BTN3A2: variants seen among roughly 807,000 people sequenced by gnomAD.
BTN3A2 encodes the protein butyrophilin protein.
In BTN3A2, 25 loss-of-function variants were observed where a neutral mutation model predicts 37.6. That is an observed-to-expected ratio of 0.66 (90% CI 0.48 to 0.93). BTN3A2 has a LOEUF of 0.93. Among genes scored for constraint, BTN3A2 ranks in the 40% least tolerant of loss-of-function variants. The probability of loss-of-function intolerance (pLI) is 0.00; values close to 1 mark genes in which losing one functional copy is unlikely to be tolerated. For synonymous variants in BTN3A2, 122 were observed against 159.4 expected (o/e 0.77, Z 1.77); for missense variants, 266 against 410.9 (o/e 0.65, Z 3.05).
At chr6:26,375,026 CA>C in intron 10 of BTN3A2, 2 of 426,298 alleles carry the variant, frequency 4.7e-6, no homozygotes, top group East Asian at 7.4e-5. Context: ...GATGCCTGCC[CA>C]AAGAACTTTG....
At chr6:26,371,740 G>A (rs1370671038) in intron 5 of BTN3A2, among the ~76,000 whole-genome samples, 2 of 151,796 alleles carry the variant, frequency 1.3e-5, no homozygotes, top group Non-Finnish European at 2.9e-5. Context: ...GTGCAGTGGT[G>A]CAATCTCAGC....
At chr6:26,375,557 G>A in intron 10 of BTN3A2, 1 of 1,366,472 alleles carries the variant, frequency 7.3e-7, no homozygotes. Flanking sequence ...AGAGGACAAG[G>A]GAGCCCAGTG....
At position 26,365,370 on chromosome 6, in the gene BTN3A2, A is replaced by T. The variant is rs1041454781; in HGVS notation, c.-67+18A>T. On this transcript the variant is annotated intron_variant, in intron 1 of 10. Transcript: ENST00000377708. Reference sequence around the variant, plus strand: ...ACCAAGGGGTAAGTGCAGGAAATTGATTAGAGCCTGGGCTACAACGCATGG... The same window carrying T: ...ACCAAGGGGTAAGTGCAGGAAATTGTTTAGAGCCTGGGCTACAACGCATGG... 7.2e-6 allele frequency: 11 copies of T among 1,536,092 alleles called. No homozygotes were observed. The highest frequency in any genetic ancestry group is 9.6e-6 in the Non-Finnish European group (11 of 1,146,814).
rs77118607 is a variant in BTN3A2, at chr6:26,365,616, G to C, written c.-67+264G>C. The stretch of plus-strand genomic sequence containing the variant: ...AAGGAACTGCAGAGGTTGGGATTTA[G>C]TGGAAGGAAAGGGAGACAACATGAA... On this transcript the variant is annotated intron_variant, in intron 1 of 10. Coordinates refer to ENST00000377708, the MANE Select transcript of BTN3A2 (RefSeq NM_007047.5). Among the ~76,000 whole-genome samples the C allele has an allele frequency of 1.3e-3, 204 of 152,196 alleles. 1 individual carries two copies. Among genetic ancestry groups the C allele is most frequent in the Middle Eastern group, 6.8e-3 (2 of 294 alleles).
intron 6 of BTN3A2, 35 bp downstream of exon 6, chr6:26,373,132 C>T: frequency 2.5e-6 from 4 of 1,610,108 alleles, no homozygotes; most frequent in Non-Finnish European, 3.4e-6. Flanking sequence ...AAGCTCTTGG[C>T]TTGCATGCCC....
rs750198408 is a variant in BTN3A2 at position 26,373,237 on chromosome 6, CTTTTTTTT to C, written c.917-21_917-14del. The C allele has an allele frequency of 2.5e-4, 344 of 1,352,770 alleles. 2 individuals are homozygous for C. In the African/African-American group the frequency reaches 4.1e-3, roughly 16 times the overall value. The allele number at this position is 1,352,770 out of a possible 1,614,324, so 83.8% of individuals were successfully genotyped here. A position where few individuals can be genotyped will look rare whatever the true frequency, so the allele number is the denominator to read the frequency against. On this transcript the variant is annotated intron_variant, in intron 6 of 10. Transcript: ENST00000377708. ...ACCAACCTCACCCATAACAGTTCAT[CTTTTTTTT>C]TTTTTTTTTTTTTTTTTGGTTATTT...
chr6:26,374,253 G>A (rs1760468627), intron 8 of BTN3A2, 74 bp from the exon 9 acceptor site: 12 of 541,582 alleles, frequency 2.2e-5, no homozygotes, highest in Non-Finnish European at 3.4e-5. Flanking sequence ...CTAGATGGAT[G>A]CAAAAAGAAG....
In BTN3A2 at chr6:26,365,344, T is replaced by A. The variant is rs752986437; in HGVS notation, c.-75T>A. 4 of 1,536,086 alleles carry A rather than the reference T, an allele frequency of 2.6e-6. 1 individual carries two copies. In the South Asian group the frequency reaches 4.8e-5, roughly 18 times the overall value. Reference sequence around the variant, plus strand: ...GTGGGCTCTGATTCTCCAATGGGAATACCAAGGGGTAAGTGCAGGAAATTG... The same window carrying A: ...GTGGGCTCTGATTCTCCAATGGGAAAACCAAGGGGTAAGTGCAGGAAATTG... On this transcript the variant is annotated 5_prime_UTR_variant, in exon 1 of 11. Coordinates refer to ENST00000377708, the MANE Select transcript of BTN3A2 (RefSeq NM_007047.5).
Position 26,376,586 on chromosome 6 carries a change from G to A in BTN3A2, c.*824G>A, listed in dbSNP as rs1417305322. On this transcript the variant is annotated 3_prime_UTR_variant, in exon 11 of 11. Coordinates refer to ENST00000377708, the MANE Select transcript of BTN3A2 (RefSeq NM_007047.5). ...AACTCTCTGCAGCAGATGTAATTCT[G>A]TATCCAGACATGGCAAATGCCATCC... The A allele has an allele frequency of 7.0e-6, 10 of 1,419,220 alleles. No homozygotes were observed. In the East Asian group the frequency reaches 2.1e-4, roughly 30 times the overall value. The allele number at this position is 1,419,220 out of a possible 1,614,324, so 87.9% of individuals were successfully genotyped here.
intron 8 of BTN3A2, 159 bp from the exon 9 acceptor site, chr6:26,374,168 T>C: frequency 1.9e-6 from 1 of 517,132 alleles, no homozygotes; most frequent in South Asian, 2.6e-5. Context: ...GAATTGTACC[T>C]GAAGATGGAG....
Position 26,365,211 on chromosome 6 carries a change from T to C in BTN3A2, c.-208T>C, listed in dbSNP as rs997664133. ...CTTCCAAAGAGCGACTCTTACTGTT[T>C]CTCATGGTGAGAAGACAATATTTGC... On this transcript the variant is annotated 5_prime_UTR_variant, in exon 1 of 11. Transcript: ENST00000377708. 3.4e-5 allele frequency: 42 copies of C among 1,219,718 alleles called. No individual in the cohort carries two copies. Among genetic ancestry groups the C allele is most frequent in the Non-Finnish European group, 4.6e-5 (40 of 873,848 alleles). 75.6% of individuals were successfully genotyped at this position (1,219,718 alleles called of 1,614,324 possible).
intron 3 of BTN3A2, 147 bp from the exon 4 acceptor site, chr6:26,368,418 T>A: frequency 6.5e-7 from 1 of 1,545,412 alleles, no homozygotes; most frequent in Non-Finnish European, 8.8e-7. Flanking sequence ...AAGGATCACC[T>A]GTCACAAAGA....
At chr6:26,373,360 G>A in intron 7 of BTN3A2, 27 bp from the exon 8 acceptor site, 1 of 1,599,574 alleles carries the variant, frequency 6.3e-7, no homozygotes, top group East Asian at 2.2e-5. Flanking sequence ...GCACCTTGAT[G>A]ACTCTTCCCT....
intron 1 of BTN3A2, among the ~76,000 whole-genome samples, chr6:26,367,177 C>G (rs1017664982): frequency 2.0e-5 from 3 of 152,194 alleles, no homozygotes; most frequent in Non-Finnish European, 4.4e-5. Flanking sequence ...AGGCTAGTGA[C>G]ATTAAATCAC....
Position 26,374,370 on chromosome 6 carries a change from C to G in BTN3A2, c.*3C>G, listed in dbSNP as rs750688550. Reference sequence around the variant, plus strand: ...CCGATACCAATAAGTCAGCCTGATGCTCTGTAAGTTTGCTGGGTCACATGC... The same window carrying G: ...CCGATACCAATAAGTCAGCCTGATGGTCTGTAAGTTTGCTGGGTCACATGC... On this transcript the variant is annotated 3_prime_UTR_variant, in exon 9 of 11. Transcript: ENST00000377708. 14 of 1,613,566 alleles carry G rather than the reference C, an allele frequency of 8.7e-6. No individual in the cohort carries two copies. The highest frequency in any genetic ancestry group is 9.3e-6 in the Non-Finnish European group (11 of 1,179,712).
intron 6 of BTN3A2, 39 bp from the exon 7 acceptor site, chr6:26,373,237 C>CTTTTTTTTTTTTTTTT (rs750198408): frequency 1.2e-5 from 16 of 1,352,826 alleles, no homozygotes; most frequent in South Asian, 4.0e-5. Flanking sequence ...AACAGTTCAT[C>CTTTTTTTTTTTTTTTT]TTTTTTTTTT....
rs1189218296 is a variant in BTN3A2, at chr6:26,376,712, C to T, written c.*950C>T. 6.4e-7 allele frequency: 1 copy of T among 1,572,284 alleles called. No individual in the cohort carries two copies. The highest frequency in any genetic ancestry group is 1.1e-5 in the South Asian group (1 of 90,200). ...TTGAATGGCGTTACTGTGTGCTTGGCTGTGAAAGCTTCATGTCAGAGAGAC... is the reference window on the plus strand; with the variant it reads ...TTGAATGGCGTTACTGTGTGCTTGGTTGTGAAAGCTTCATGTCAGAGAGAC... On this transcript the variant is annotated 3_prime_UTR_variant, in exon 11 of 11. Coordinates refer to ENST00000377708, the MANE Select transcript of BTN3A2 (RefSeq NM_007047.5).
chr6:26,368,137 T>C (rs761535253), intron 2 of BTN3A2, 41 bp from the exon 3 acceptor site: 3 of 1,608,310 alleles, frequency 1.9e-6, no homozygotes, highest in Non-Finnish European at 8.5e-7. Flanking sequence ...TTCCAGGCCA[T>C]AGTGTCTGTC....
intron 9 of BTN3A2, 55 bp from the exon 10 acceptor site, chr6:26,374,716 T>TG: frequency 6.8e-7 from 1 of 1,470,824 alleles, no homozygotes; most frequent in South Asian, 1.2e-5. Flanking sequence ...GAGAATGGAG[T>TG]GGGAAAAGTA....
Sources: gnomAD v4.1 joint callset for allele counts (sites outside exome capture counted in the v4.1 genomes callset) on GRCh38, gnomAD v4.1.1 for gene constraint, MANE v1.5 for transcripts, NCBI Gene and HGNC (gene_info 2026-07-23, HGNC 2026-07-21) for gene names.